The following PAPSS2 variants were observed in gnomAD, a reference collection of about 807,000 sequenced individuals.
PAPSS2 encodes the protein 3'-phosphoadenosine 5'-phosphosulfate synthase 2, also known as bifunctional 3'-phosphoadenosine 5'-phosphosulfate synthase 2.
Under a neutral mutation model 66.5 loss-of-function variants are expected in PAPSS2, and 61 were observed. The ratio of observed to expected loss-of-function variants is 0.92; its 90% CI spans 0.75 to 1.14. The LOEUF is 1.14. PAPSS2 is among the 50% of genes most tolerant of loss of function. The pLI is 0.00. For synonymous variants in PAPSS2, 289 were observed against 287.5 expected (o/e 1.01, Z -0.05); for missense variants, 708 against 789.6 (o/e 0.90, Z 1.24).
intron 1 of PAPSS2, among the ~76,000 whole-genome samples, chr10:87,679,359 G>T (rs1029878549): frequency 6.6e-6 from 1 of 152,168 alleles, no homozygotes; most frequent in Non-Finnish European, 1.5e-5. Flanking sequence ...AAGTTCTATC[G>T]TTCTACAGCA....
rs1036507580 is a variant in PAPSS2, at chr10:87,661,928, G to A, written c.27+1920G>A. Among the ~76,000 whole-genome samples the A allele has an allele frequency of 6.6e-5, 10 of 152,218 alleles. No homozygotes were observed. The East Asian group carries it at 1.4e-3, about 21-fold the overall frequency. ...CCAAAAGGGCTAGATAGGTACTATCGGTACTATTTACAGCAAGCCAGCTGT... is the reference window on the plus strand; with the variant it reads ...CCAAAAGGGCTAGATAGGTACTATCAGTACTATTTACAGCAAGCCAGCTGT... On this transcript the variant is annotated intron_variant, in intron 1 of 12. Transcript: ENST00000456849.
chr10:87,690,670 G>A (rs777162208), intron 1 of PAPSS2, among the ~76,000 whole-genome samples: 5 of 152,084 alleles, frequency 3.3e-5, no homozygotes, highest in Non-Finnish European at 7.4e-5. Context: ...AAGGTGGAGT[G>A]GTAAGAGATG....
intron 1 of PAPSS2, among the ~76,000 whole-genome samples, chr10:87,666,654 G>T (rs533178376): frequency 4.6e-5 from 7 of 152,012 alleles, no homozygotes; most frequent in South Asian, 2.1e-4. Context: ...TGTCTGAAAG[G>T]CCCCTTCAAT....
At chr10:87,669,712 G>A (rs1333993440) in intron 1 of PAPSS2, among the ~76,000 whole-genome samples, 3 of 152,190 alleles carry the variant, frequency 2.0e-5, no homozygotes, top group Non-Finnish European at 4.4e-5. Flanking sequence ...TGACCTGTAG[G>A]TTAACTCATT....
intron 1 of PAPSS2, among the ~76,000 whole-genome samples, chr10:87,701,391 T>TCTTTCTTC (rs1261396984): frequency 9.8e-6 from 1 of 101,840 alleles, no homozygotes; most frequent in South Asian, 3.5e-4. Context: ...TTTCTTTCTT[T>TCTTTCTTC]CTTTCTCTTT....
chr10:87,738,985 C>T (rs891583448), intron 9 of PAPSS2, among the ~76,000 whole-genome samples: 6 of 152,144 alleles, frequency 3.9e-5, no homozygotes, highest in African/African-American at 9.7e-5. Flanking sequence ...TGCTTTTTCA[C>T]TGTTGTGTTC....
rs533679177 is a variant in PAPSS2 at position 87,676,750 on chromosome 10, T to C, written c.27+16742T>C. Among the ~76,000 whole-genome samples, 22 of 151,850 alleles carry C rather than the reference T, an allele frequency of 1.4e-4. No individual in the cohort carries two copies. In the South Asian group the frequency reaches 4.6e-3, roughly 32 times the overall value. ...AGCCAGGTGTGATGGCACATGCCTG[T>C]AGACACAGCTACTTGGCAGGCTGAG... is the stretch of plus-strand genomic sequence containing the variant. On this transcript the variant is annotated intron_variant, in intron 1 of 12. Coordinates refer to ENST00000456849, the MANE Select transcript of PAPSS2 (RefSeq NM_001015880.2).
At chr10:87,681,552 T>C (rs1295990637) in intron 1 of PAPSS2, among the ~76,000 whole-genome samples, 1 of 152,230 alleles carries the variant, frequency 6.6e-6, no homozygotes, top group African/African-American at 2.4e-5. Flanking sequence ...TATTGAGAAA[T>C]AATTTATATA....
chr10:87,726,327 G>A (rs1239805416), intron 8 of PAPSS2, among the ~76,000 whole-genome samples: 1 of 152,206 alleles, frequency 6.6e-6, no homozygotes, highest in Non-Finnish European at 1.5e-5. Context: ...CTACTCCGGA[G>A]GCTGAGGCAG....
intron 7 of PAPSS2, among the ~76,000 whole-genome samples, chr10:87,718,846 T>C (rs925114783): frequency 3.3e-5 from 5 of 152,218 alleles, no homozygotes; most frequent in African/African-American, 1.2e-4. Context: ...TCTTGTAAGG[T>C]GTATAGATCC....
chr10:87,703,614 G>A (rs1311233912), intron 1 of PAPSS2: 2 of 441,452 alleles, frequency 4.5e-6, no homozygotes, highest in East Asian at 5.7e-5. Flanking sequence ...AGATAAGGAG[G>A]TTCAGAGATG....
chr10:87,724,989 A>G (rs1252903684), intron 8 of PAPSS2, among the ~76,000 whole-genome samples: 1 of 151,928 alleles, frequency 6.6e-6, no homozygotes, highest in Non-Finnish European at 1.5e-5. Context: ...GTTCAAGTCC[A>G]CAGGCGGTCT....
chr10:87,714,656 A>G (rs754537448), intron 4 of PAPSS2, 89 bp from the exon 5 acceptor site: 14 of 851,938 alleles, frequency 1.6e-5, no homozygotes, highest in Non-Finnish European at 2.7e-5. Flanking sequence ...TCAGTTTAAT[A>G]CATTATTCCA....
chr10:87,660,743 A>G (rs1248957623), intron 1 of PAPSS2, among the ~76,000 whole-genome samples: 1 of 149,402 alleles, frequency 6.7e-6, no homozygotes, highest in Non-Finnish European at 1.5e-5. Flanking sequence ...ATGGGCACCT[A>G]TAAATTTTGC....
chr10:87,685,669 G>A (rs1853078848), intron 1 of PAPSS2, among the ~76,000 whole-genome samples: 1 of 152,190 alleles, frequency 6.6e-6, no homozygotes, highest in Non-Finnish European at 1.5e-5. Context: ...GAGTGACAGA[G>A]TGAGACCCTG....
At chr10:87,730,907 T>C (rs1853719891) in intron 9 of PAPSS2, among the ~76,000 whole-genome samples, 1 of 152,200 alleles carries the variant, frequency 6.6e-6, no homozygotes, top group South Asian at 2.1e-4. Context: ...AACATAAAAG[T>C]ACAAGGTGAT....
chr10:87,689,396 C>A (rs1020877298), intron 1 of PAPSS2, among the ~76,000 whole-genome samples: 1 of 147,986 alleles, frequency 6.8e-6, no homozygotes, highest in East Asian at 2.0e-4. Flanking sequence ...GGGGGACAGG[C>A]GCAGTGGCCC....
intron 1 of PAPSS2, among the ~76,000 whole-genome samples, chr10:87,684,195 T>G (rs548779589): frequency 6.6e-6 from 1 of 152,360 alleles, no homozygotes; most frequent in African/African-American, 2.4e-5. Flanking sequence ...GTTAATCCTG[T>G]TTTGTTTCAA....
At chr10:87,688,875 T>G (rs1446154689) in intron 1 of PAPSS2, among the ~76,000 whole-genome samples, 1 of 152,166 alleles carries the variant, frequency 6.6e-6, no homozygotes, top group African/African-American at 2.4e-5. Context: ...ATACTCACAT[T>G]CAGTTCCACT....
Sources: allele counts gnomAD v4.1 joint callset (sites outside exome capture counted in the v4.1 genomes callset), GRCh38; gene constraint gnomAD v4.1.1; transcripts MANE v1.5; gene names NCBI Gene and HGNC (gene_info 2026-07-23, HGNC 2026-07-21).